The following BCL2 variants were observed in gnomAD, a reference collection of about 807,000 sequenced individuals.
The protein encoded by BCL2 is BCL2 apoptosis regulator.
In BCL2, 1 loss-of-function variant was observed where a neutral mutation model predicts 14.2. The observed-to-expected ratio is 0.07, with a 90% CI of 0.02 to 0.33. The LOEUF is 0.33. Ranked by LOEUF, BCL2 falls within the 10% of genes least tolerant of loss-of-function variation. The pLI is 0.99. For missense variants in BCL2, 247 were observed against 305.9 expected, an observed-to-expected ratio of 0.81 and a Z score of 1.44; for synonymous variants, 151 against 137.2, an observed-to-expected ratio of 1.10 and a Z score of -0.70.
At chr18:63,145,516 C>T (rs1459272287) in intron 2 of BCL2, among the ~76,000 whole-genome samples, 2 of 152,356 alleles carry the variant, frequency 1.3e-5, no homozygotes, top group Admixed American at 6.5e-5. Flanking sequence ...CTTTTCTCTA[C>T]TCACATTTAA....
At chr18:63,262,490 G>A (rs1465138301) in intron 2 of BCL2, among the ~76,000 whole-genome samples, 2 of 152,194 alleles carry the variant, frequency 1.3e-5, no homozygotes, top group African/African-American at 4.8e-5. Flanking sequence ...GACCTCCGGA[G>A]CAGCCCTTCT....
At chr18:63,224,307 A>G (rs996167577) in intron 2 of BCL2, among the ~76,000 whole-genome samples, 18 of 152,238 alleles carry the variant, frequency 1.2e-4, no homozygotes, top group African/African-American at 4.1e-4. Context: ...AAAGACCACA[A>G]TGATCACTGA....
At chr18:63,279,636 C>G (rs1912252751) in intron 2 of BCL2, among the ~76,000 whole-genome samples, 1 of 152,192 alleles carries the variant, frequency 6.6e-6, no homozygotes, top group Admixed American at 6.5e-5. Context: ...CACCAAAGAA[C>G]AGGTACAATA....
At chr18:63,158,000 T>C (rs1301725314) in intron 2 of BCL2, among the ~76,000 whole-genome samples, 2 of 151,962 alleles carry the variant, frequency 1.3e-5, no homozygotes, top group African/African-American at 4.8e-5. Context: ...ATATACAGAG[T>C]TCGGCGTAGC....
chr18:63,160,530 C>A (rs966804597), intron 2 of BCL2, among the ~76,000 whole-genome samples: 1 of 152,152 alleles, frequency 6.6e-6, no homozygotes, highest in Non-Finnish European at 1.5e-5. Flanking sequence ...TGCAGAGTCC[C>A]CTCTTCCAAA....
intron 2 of BCL2, among the ~76,000 whole-genome samples, chr18:63,309,846 TTTTA>T (rs754361833): frequency 6.6e-5 from 10 of 152,060 alleles, no homozygotes; most frequent in Admixed American, 1.3e-4. Flanking sequence ...ATATACTTTA[TTTTA>T]TTTATTTGTT....
In BCL2 at chr18:63,125,770, T is replaced by C. The variant is rs979129363; in HGVS notation, c.*2855A>G. The C allele has an allele frequency of 9.2e-6, 2 of 217,696 alleles. No individual in the cohort carries two copies. Among genetic ancestry groups the C allele is most frequent in the Admixed American group, 5.8e-5 (1 of 17,168 alleles). 13.5% of individuals were successfully genotyped at this position (217,696 alleles called of 1,614,324 possible). ...TTTTAACAATAAGGAAAATGCAACA[T>C]CAACTACTCTTAGAGCAAGTGCAGC... is the stretch of plus-strand genomic sequence containing the variant. On this transcript the variant is annotated 3_prime_UTR_variant, in exon 3 of 3. Coordinates refer to ENST00000333681, the MANE Select transcript of BCL2 (RefSeq NM_000633.3).
At chr18:63,312,732 T>G (rs983006109) in intron 2 of BCL2, among the ~76,000 whole-genome samples, 6 of 152,346 alleles carry the variant, frequency 3.9e-5, no homozygotes, top group Admixed American at 3.3e-4. Flanking sequence ...CCTACTTGTA[T>G]TTTTTGGCAT....
intron 2 of BCL2, among the ~76,000 whole-genome samples, chr18:63,198,625 GAC>G (rs1210707948): frequency 2.8e-5 from 4 of 142,696 alleles, no homozygotes; most frequent in South Asian, 4.5e-4. Flanking sequence ...CTGACACACA[GAC>G]ACAGAGACAC....
intron 2 of BCL2, among the ~76,000 whole-genome samples, chr18:63,163,995 G>C (rs148132379): frequency 3.4e-4 from 52 of 152,302 alleles, no homozygotes; most frequent in African/African-American, 1.2e-3. Context: ...TGGATACCAT[G>C]TTACAGTTAT....
rs1356771256 is a variant in BCL2, at chr18:63,127,759, G to T, written c.*866C>A. 1 of 225,378 alleles carries T rather than the reference G, an allele frequency of 4.4e-6. No homozygotes were observed. The highest frequency in any genetic ancestry group is 2.2e-5 in the African/African-American group (1 of 44,868). 14.0% of individuals were successfully genotyped at this position (225,378 alleles called of 1,614,324 possible). A position where few individuals can be genotyped will look rare whatever the true frequency, so the allele number is the denominator to read the frequency against. Reference sequence around the variant, plus strand: ...ATGTTCACTTCCTCAAGTTCCAGAGGATTCTGTTTCTTACTCAGACAGAGC... The same window carrying T: ...ATGTTCACTTCCTCAAGTTCCAGAGTATTCTGTTTCTTACTCAGACAGAGC... On this transcript the variant is annotated 3_prime_UTR_variant, in exon 3 of 3. Transcript: ENST00000333681.
At chr18:63,219,664 G>A (rs1910329999) in intron 2 of BCL2, among the ~76,000 whole-genome samples, 1 of 152,080 alleles carries the variant, frequency 6.6e-6, no homozygotes, top group Non-Finnish European at 1.5e-5. Flanking sequence ...TCTTCCAAGT[G>A]TGCCTCCGAA....
At chr18:63,176,178 A>C (rs1194699472) in intron 2 of BCL2, among the ~76,000 whole-genome samples, 2 of 152,162 alleles carry the variant, frequency 1.3e-5, no homozygotes, top group Non-Finnish European at 2.9e-5. Context: ...GCAGGATGGA[A>C]ATGAGTGTTT....
chr18:63,193,629 C>A (rs1447595839), intron 2 of BCL2, among the ~76,000 whole-genome samples: 5 of 149,464 alleles, frequency 3.3e-5, no homozygotes, highest in African/African-American at 7.4e-5. Flanking sequence ...CACACACATA[C>A]AAATACACAC....
chr18:63,219,672 G>A (rs150383753), intron 2 of BCL2, among the ~76,000 whole-genome samples: 10 of 152,066 alleles, frequency 6.6e-5, no homozygotes, highest in South Asian at 6.2e-4. Flanking sequence ...GTGTGCCTCC[G>A]AATTTAAAAT....
chr18:63,278,961 T>C (rs530050454), intron 2 of BCL2, among the ~76,000 whole-genome samples: 9 of 152,178 alleles, frequency 5.9e-5, no homozygotes, highest in African/African-American at 1.7e-4. Context: ...CCCCAGTAAA[T>C]GTGGCTGAGT....
intron 2 of BCL2, among the ~76,000 whole-genome samples, chr18:63,233,967 T>C (rs1017300551): frequency 9.8e-5 from 15 of 152,362 alleles, no homozygotes; most frequent in African/African-American, 3.6e-4. Flanking sequence ...TATTATTCTC[T>C]GTAAATTTTG....
At chr18:63,207,261 G>T (rs3744933) in intron 2 of BCL2, among the ~76,000 whole-genome samples, 4,903 of 152,250 alleles carry the variant, frequency 0.032, 184 homozygotes, top group East Asian at 0.11. Context: ...CCCCAGGGCC[G>T]ATGGGCACCG....
Position 63,156,087 on chromosome 18 carries a change from C to CAAAAAAAAAAAAAAAAAA in BCL2, c.586-27346_586-27329dup, listed in dbSNP as rs10640757. Among the ~76,000 whole-genome samples the CAAAAAAAAAAAAAAAAAA allele has an allele frequency of 6.2e-5, 4 of 64,252 alleles. 2 individuals are homozygous for CAAAAAAAAAAAAAAAAAA. The highest frequency in any genetic ancestry group is 1.2e-4 in the Non-Finnish European group (4 of 33,214). 42.2% of individuals were successfully genotyped at this position (64,252 alleles called of 152,430 possible). Reference sequence around the variant, plus strand: ...ATATTCATGAGGCTTGCTGAGAAGCCAAAAAAAAAAAAAAAAAAAGGCTTG... The same window carrying CAAAAAAAAAAAAAAAAAA: ...ATATTCATGAGGCTTGCTGAGAAGCCAAAAAAAAAAAAAAAAAAAAAAAAAAAAAAAAAAAAAGGCTTG... On this transcript the variant is annotated intron_variant, in intron 2 of 2. Coordinates refer to ENST00000333681, the MANE Select transcript of BCL2 (RefSeq NM_000633.3).
Sources: allele counts gnomAD v4.1 joint callset (sites outside exome capture counted in the v4.1 genomes callset), GRCh38; gene constraint gnomAD v4.1.1; transcripts MANE v1.5; gene names NCBI Gene and HGNC (gene_info 2026-07-23, HGNC 2026-07-21).